The following ANGPT1 variants were observed in gnomAD, a reference collection of about 807,000 sequenced individuals.
The protein encoded by ANGPT1 is angiopoietin 1.
A neutral mutation model predicts 62.2 loss-of-function variants in ANGPT1; 17 were observed. The observed-to-expected ratio is 0.27, with a 90% CI of 0.19 to 0.41. ANGPT1 has a LOEUF of 0.41. ANGPT1 is among the 10% of genes least tolerant of loss of function. The pLI is 1.00. For missense variants in ANGPT1, 478 were observed against 594.9 expected, an observed-to-expected ratio of 0.80 and a Z score of 2.04; for synonymous variants, 199 against 198.9, an observed-to-expected ratio of 1.00 and a Z score of 0.00.
intron 1 of ANGPT1, among the ~76,000 whole-genome samples, chr8:107,448,256 G>C (rs1476281565): frequency 6.6e-6 from 1 of 152,094 alleles, no homozygotes; most frequent in African/African-American, 2.4e-5. Context: ...GTATTTTGTA[G>C]GTAAATCTAT....
rs1460576598 is a variant in ANGPT1, at chr8:107,321,929, G to T, written c.775C>A (p.His259Asn). 6.2e-7 allele frequency: 1 copy of T among 1,613,942 alleles called. No individual in the cohort carries two copies. Among genetic ancestry groups the T allele is most frequent in the Admixed American group, 1.7e-5 (1 of 60,020 alleles). Residue 259 changes from histidine to asparagine, a missense_variant, in exon 4 of 9, where the codon CAC becomes AAC. Transcript: ENST00000517746. The part of the protein sequence containing the change: ...KQQLELMDTV[H>N]NLVNLCTKEG... ...TTAGTGCAAAGATTGACAAGGTTGT[G>T]GACTGTGTCCATCAGCTCCAGTTGC...
intron 8 of ANGPT1, among the ~76,000 whole-genome samples, chr8:107,255,468 C>T (rs1336017498): frequency 1.3e-5 from 2 of 152,206 alleles, no homozygotes; most frequent in African/African-American, 2.4e-5. Context: ...GCCTGGAGAG[C>T]GCCGGAGCAG....
At chr8:107,454,666 G>A (rs1455450105) in intron 1 of ANGPT1, among the ~76,000 whole-genome samples, 1 of 151,996 alleles carries the variant, frequency 6.6e-6, no homozygotes, top group Non-Finnish European at 1.5e-5. Context: ...CAAACCCTAA[G>A]TATTCATAAA....
chr8:107,389,581 T>A (rs907832634), intron 1 of ANGPT1, among the ~76,000 whole-genome samples: 1 of 152,158 alleles, frequency 6.6e-6, no homozygotes, highest in African/African-American at 2.4e-5. Context: ...ATCTCCAGAT[T>A]TGAGAATTGG....
intron 5 of ANGPT1, among the ~76,000 whole-genome samples, chr8:107,300,044 T>TATCTAGATATCTAG (rs1814545855): frequency 2.8e-5 from 4 of 142,918 alleles, no homozygotes; most frequent in Admixed American, 2.1e-4. Flanking sequence ...GATATAACTA[T>TATCTAGATATCTAG]ATATATAGTT....
intron 1 of ANGPT1, among the ~76,000 whole-genome samples, chr8:107,418,108 G>GAT (rs1810798847): frequency 1.3e-5 from 2 of 152,088 alleles, no homozygotes; most frequent in South Asian, 2.1e-4. Context: ...TTTTACATGA[G>GAT]ATATATATAA....
chr8:107,464,834 G>A (rs575376582), intron 1 of ANGPT1, among the ~76,000 whole-genome samples: 4 of 152,184 alleles, frequency 2.6e-5, no homozygotes, highest in Admixed American at 2.0e-4. Context: ...AGGAAATCAA[G>A]CACAGTGTGG....
chr8:107,409,789 C>A lies in ANGPT1; in HGVS notation c.298-62692G>T, dbSNP rs571000972. Among the ~76,000 whole-genome samples, 182 of 152,024 alleles carry A rather than the reference C, an allele frequency of 1.2e-3. No individual in the cohort carries two copies. The Middle Eastern group carries it at 0.014, about 11-fold the overall frequency. On this transcript the variant is annotated intron_variant, in intron 1 of 8. Transcript: ENST00000517746. ...TTATTTCTTTCTAAAGTTTCGGAAC[C>A]CTCACTTAGAATTCTTGTATTTATT...
intron 3 of ANGPT1, among the ~76,000 whole-genome samples, chr8:107,333,579 G>A (rs1422780893): frequency 6.6e-6 from 1 of 152,120 alleles, no homozygotes; most frequent in Non-Finnish European, 1.5e-5. Context: ...TGAGTTTTCT[G>A]TTGAAATTAG....
chr8:107,355,199 G>A (rs143792027), intron 1 of ANGPT1, among the ~76,000 whole-genome samples: 111 of 152,072 alleles, frequency 7.3e-4, no homozygotes, highest in African/African-American at 2.3e-3. Flanking sequence ...ACTGTGCCTC[G>A]CCCTCTGCTG....
At chr8:107,430,503 G>A (rs548477190) in intron 1 of ANGPT1, among the ~76,000 whole-genome samples, 61 of 152,220 alleles carry the variant, frequency 4.0e-4, no homozygotes, top group African/African-American at 1.4e-3. Context: ...GATTGCATCC[G>A]TGTGGTAGGC....
chr8:107,261,493 C>T (rs566812425), intron 8 of ANGPT1, among the ~76,000 whole-genome samples: 81 of 151,594 alleles, frequency 5.3e-4, no homozygotes, highest in African/African-American at 1.9e-3. Flanking sequence ...ATCATGAGGT[C>T]AGGAGATTCA....
chr8:107,456,030 T>A (rs188906865), intron 1 of ANGPT1, among the ~76,000 whole-genome samples: 1 of 152,186 alleles, frequency 6.6e-6, no homozygotes, highest in Non-Finnish European at 1.5e-5. Context: ...ATCTGGTATA[T>A]GTATCAGCAC....
At chr8:107,324,215 A>ATGTATATATATATG (rs1554582627) in intron 3 of ANGPT1, among the ~76,000 whole-genome samples, 19,594 of 144,450 alleles carry the variant, frequency 0.14, 1,487 homozygotes, top group East Asian at 0.31. Context: ...GTATATATAT[A>ATGTATATATATATG]TGTGTGTGTG....
chr8:107,348,418 A>T (rs1314019912), intron 1 of ANGPT1, among the ~76,000 whole-genome samples: 1 of 152,178 alleles, frequency 6.6e-6, no homozygotes, highest in Admixed American at 6.6e-5. Context: ...AATCTGTCCC[A>T]TGCTAACAAA....
intron 1 of ANGPT1, among the ~76,000 whole-genome samples, chr8:107,448,348 T>C (rs1383886078): frequency 6.6e-6 from 1 of 152,326 alleles, no homozygotes; most frequent in East Asian, 1.9e-4. Flanking sequence ...AAATAGAGGC[T>C]ATATTGACAG....
intron 8 of ANGPT1, among the ~76,000 whole-genome samples, chr8:107,262,568 C>T (rs1399278692): frequency 2.0e-5 from 3 of 152,034 alleles, no homozygotes; most frequent in East Asian, 1.9e-4. Flanking sequence ...TGCAGAAACA[C>T]GTAATATGTT....
intron 5 of ANGPT1, among the ~76,000 whole-genome samples, chr8:107,299,630 TCTCTATATATAG>T (rs1455537867): frequency 2.2e-5 from 3 of 138,582 alleles, no homozygotes; most frequent in African/African-American, 5.2e-5. Flanking sequence ...TATATATAGA[TCTCTATATATAG>T]ATATAAATAT....
chr8:107,331,208 A>G (rs1225363149), intron 3 of ANGPT1, among the ~76,000 whole-genome samples: 1 of 152,080 alleles, frequency 6.6e-6, no homozygotes, highest in African/African-American at 2.4e-5. Context: ...AATAATTAGT[A>G]AGGCATAATT....
Sources: allele counts gnomAD v4.1 joint callset (sites outside exome capture counted in the v4.1 genomes callset), GRCh38; gene constraint gnomAD v4.1.1; transcripts MANE v1.5; gene names NCBI Gene and HGNC (gene_info 2026-07-23, HGNC 2026-07-21).